Variants in SOX5 observed in about 807,000 individuals in gnomAD.
SOX5 encodes transcription factor SOX-5.
Under a neutral mutation model 92.0 loss-of-function variants are expected in SOX5, and 9 were observed. The ratio of observed to expected loss-of-function variants is 0.10; its 90% CI spans 0.06 to 0.17. The LOEUF (loss-of-function observed/expected upper bound fraction) is 0.17, where lower values mean the gene tolerates loss of function less well. SOX5 is among the 10% of genes least tolerant of loss of function. The pLI is 1.00. For synonymous variants in SOX5, 344 were observed against 336.3 expected, an observed-to-expected ratio of 1.02 and a Z score of -0.25; for missense variants, 642 against 944.5, an observed-to-expected ratio of 0.68 and a Z score of 4.20.
intron 4 of SOX5, among the ~76,000 whole-genome samples, chr12:23,971,120 ACTTTT>A (rs1448183972): frequency 6.9e-5 from 1 of 14,516 alleles, no homozygotes; most frequent in Admixed American, 1.3e-3. Context: ...GTGTCAGCTG[ACTTTT>A]TTTTTTTTTT....
intron 8 of SOX5, among the ~76,000 whole-genome samples, chr12:23,610,613 A>ATT (rs2075835090): frequency 6.6e-6 from 1 of 152,196 alleles, no homozygotes; most frequent in Non-Finnish European, 1.5e-5. Flanking sequence ...CATAAAACAA[A>ATT]TTTTTAAAAT....
Position 23,893,616 on chromosome 12 carries a change from A to G in SOX5, c.270+2177T>C, listed in dbSNP as rs181876556. On this transcript the variant is annotated intron_variant, in intron 2 of 14. Transcript: ENST00000451604. ...TTCTGGTATTCTTCTAGTCATAATT[A>G]TCTACATTCATCTCTGCAAATGTAT... is the stretch of plus-strand genomic sequence containing the variant. Among the ~76,000 whole-genome samples, 15 of 152,268 alleles carry G rather than the reference A, an allele frequency of 9.9e-5. No individual in the cohort carries two copies. The East Asian group carries it at 2.9e-3, about 29-fold the overall frequency.
At chr12:23,699,011 G>T (rs940285298) in intron 6 of SOX5, among the ~76,000 whole-genome samples, 2 of 152,120 alleles carry the variant, frequency 1.3e-5, no homozygotes, top group African/African-American at 4.8e-5. Flanking sequence ...TTTTCCAAAG[G>T]TTCCTTACCT....
chr12:23,851,418 C>T (rs1328401612), intron 2 of SOX5, among the ~76,000 whole-genome samples: 2 of 152,036 alleles, frequency 1.3e-5, no homozygotes, highest in Non-Finnish European at 2.9e-5. Flanking sequence ...AAAAGAGATA[C>T]ATTGAGGCAA....
intron 4 of SOX5, among the ~76,000 whole-genome samples, chr12:24,158,514 C>A (rs1952426287): frequency 6.6e-6 from 1 of 151,944 alleles, no homozygotes; most frequent in Non-Finnish European, 1.5e-5. Context: ...TCACAGTAAT[C>A]TTTATGCCAT....
At chr12:24,128,202 A>T (rs1270882701) in intron 4 of SOX5, among the ~76,000 whole-genome samples, 3 of 152,156 alleles carry the variant, frequency 2.0e-5, no homozygotes, top group Non-Finnish European at 2.9e-5. Context: ...AAGGATATTT[A>T]AAAATAGCTT....
intron 1 of SOX5, among the ~76,000 whole-genome samples, chr12:24,412,688 C>A (rs1964316557): frequency 6.6e-6 from 1 of 151,758 alleles, no homozygotes; most frequent in African/African-American, 2.4e-5. Flanking sequence ...AGATTTGTTT[C>A]CTGGCCCAGG....
intron 3 of SOX5, 70 bp from the exon 4 acceptor site, chr12:23,755,794 A>AT: frequency 9.7e-7 from 1 of 1,035,872 alleles, no homozygotes; most frequent in Non-Finnish European, 1.4e-6. Context: ...TTAAAAGTCT[A>AT]TCTGCTAAAA....
In SOX5 at chr12:23,717,985, GAT is replaced by G. The variant is rs2092605666; in HGVS notation, c.810+16697_810+16698del. 2.6e-5 allele frequency among the ~76,000 whole-genome samples: 4 copies of G among 152,194 alleles called. No individual in the cohort carries two copies. The East Asian group carries it at 5.8e-4, about 22-fold the overall frequency. On this transcript the variant is annotated intron_variant, in intron 6 of 14. Coordinates refer to ENST00000451604, the MANE Select transcript of SOX5 (RefSeq NM_006940.6). Reference sequence around the variant, plus strand: ...ATAATGTTTGCCTTATTGCCTAGATGATAGTTATTAAAGTAAAAAAATTCTTA... The same window carrying G: ...ATAATGTTTGCCTTATTGCCTAGATGAGTTATTAAAGTAAAAAAATTCTTA...
upstream of SOX5, among the ~76,000 whole-genome samples, chr12:23,954,271 T>C (rs908042054): frequency 2.0e-5 from 3 of 151,992 alleles, no homozygotes; most frequent in Non-Finnish European, 4.4e-5. Context: ...GGAAAACTTA[T>C]TTTGAGAAAT....
intron 2 of SOX5, among the ~76,000 whole-genome samples, chr12:24,294,168 T>C (rs1422952240): frequency 6.6e-6 from 1 of 152,176 alleles, no homozygotes; most frequent in Non-Finnish European, 1.5e-5. Flanking sequence ...TTCGCCTTCA[T>C]GTAAATAATG....
chr12:23,978,871 T>C (rs896475082), intron 4 of SOX5, among the ~76,000 whole-genome samples: 2 of 152,192 alleles, frequency 1.3e-5, no homozygotes, highest in East Asian at 3.9e-4. Context: ...GACAATTAAG[T>C]GTTTAGGAAT....
intron 8 of SOX5, among the ~76,000 whole-genome samples, chr12:23,625,889 G>A (rs2077718709): frequency 6.6e-6 from 1 of 152,196 alleles, no homozygotes; most frequent in Non-Finnish European, 1.5e-5. Context: ...TTACAGGCAT[G>A]AGCCACCGCG....
intron 2 of SOX5, among the ~76,000 whole-genome samples, chr12:24,319,726 G>T (rs778638218): frequency 6.6e-6 from 1 of 152,036 alleles, no homozygotes; most frequent in Admixed American, 6.5e-5. Flanking sequence ...TCTATGGTAC[G>T]GTGTGCAAGA....
chr12:23,975,700 T>C (rs180733805), intron 4 of SOX5, among the ~76,000 whole-genome samples: 1 of 152,320 alleles, frequency 6.6e-6, no homozygotes, highest in East Asian at 1.9e-4. Flanking sequence ...TTGATAATAA[T>C]TATATCTGCT....
intron 1 of SOX5, among the ~76,000 whole-genome samples, chr12:24,448,915 CCA>C (rs1444944549): frequency 6.6e-6 from 1 of 152,120 alleles, no homozygotes; most frequent in Non-Finnish European, 1.5e-5. Context: ...GACATTCCAT[CCA>C]AACCTGCACC....
chr12:23,815,928 T>C (rs528174322), intron 3 of SOX5, among the ~76,000 whole-genome samples: 2 of 152,286 alleles, frequency 1.3e-5, no homozygotes, highest in South Asian at 2.1e-4. Flanking sequence ...ACCCTACCAT[T>C]GTAGCGTTAC....
intron 3 of SOX5, among the ~76,000 whole-genome samples, chr12:23,769,708 A>G (rs1488530036): frequency 6.6e-6 from 1 of 152,156 alleles, no homozygotes; most frequent in African/African-American, 2.4e-5. Flanking sequence ...CAACTCTGTG[A>G]TCTTCTCTTT....
intron 1 of SOX5, among the ~76,000 whole-genome samples, chr12:24,471,948 A>T (rs1175051215): frequency 6.6e-6 from 1 of 152,174 alleles, no homozygotes; most frequent in Non-Finnish European, 1.5e-5. Flanking sequence ...ATTAATTTTT[A>T]AAAAGCCAGA....
Sources: allele counts gnomAD v4.1 joint callset (sites outside exome capture counted in the v4.1 genomes callset), GRCh38; gene constraint gnomAD v4.1.1; transcripts MANE v1.5; gene names NCBI Gene and HGNC (gene_info 2026-07-23, HGNC 2026-07-21).